NCKAP5: variants seen among roughly 807,000 people sequenced by gnomAD.
NCKAP5 encodes the protein NCK associated protein 5, also known as nck-associated protein 5.
A neutral mutation model predicts 167.0 loss-of-function variants in NCKAP5; 92 were observed. The ratio of observed to expected loss-of-function variants is 0.55; its 90% CI spans 0.47 to 0.66. The LOEUF (loss-of-function observed/expected upper bound fraction) is 0.66. Among genes scored for constraint, NCKAP5 ranks in the 30% least tolerant of loss-of-function variants. NCKAP5 has a pLI of 0.00. For missense variants in NCKAP5, 2,378 were observed against 2,315.0 expected (o/e 1.03, Z -0.56); for synonymous variants, 891 against 877.4 (o/e 1.02, Z -0.27).
Position 133,517,522 on chromosome 2 carries a change from T to A in NCKAP5, c.5A>T (p.Glu2Val). The A allele has an allele frequency of 6.5e-7, 1 of 1,529,404 alleles. No homozygotes were observed. The allele number at this position is 1,529,404 out of a possible 1,614,324, so 94.7% of individuals were successfully genotyped here. The change falls in exon 3 of 20, where the codon GAG becomes GTG. Residue 2 changes from glutamate to valine, a missense_variant. By Grantham distance (121) the Glu-to-Val change is moderately radical. This residue lies in a region of NCKAP5 where 1,049 missense variants were observed against 1,023.4 expected (regional missense o/e 1.02). Transcript: ENST00000409261. MEGKRQLEKRDF... is the reference protein window; with the variant it reads MVGKRQLEKRDF... ...CCTTTTCTCAAGCTGTCTCTTTCCC[T>A]CCATGGATGAAGTTATTTATTTTCT... is the stretch of plus-strand genomic sequence containing the variant.
chr2:133,262,137 T>C (rs2088937748), intron 4 of NCKAP5, among the ~76,000 whole-genome samples: 1 of 152,224 alleles, frequency 6.6e-6, no homozygotes, highest in African/African-American at 2.4e-5. Context: ...ATCTTATAAA[T>C]GCACATAATT....
the NCKAP5 span, among the ~76,000 whole-genome samples, chr2:133,647,631 A>G: frequency 7.0e-6 from 1 of 143,496 alleles, no homozygotes; most frequent in African/African-American, 2.6e-5. Context: ...AGATAGAAGG[A>G]AGGAAGGAAG....
At chr2:132,915,585 A>G (rs1694803021) in intron 8 of NCKAP5, 1 of 152,158 alleles carries the variant, frequency 6.6e-6, no homozygotes, top group Admixed American at 6.6e-5. Context: ...GGGCATCAGA[A>G]TTCCTGTGGG....
chr2:133,470,059 T>G (rs1360133971), intron 3 of NCKAP5, among the ~76,000 whole-genome samples: 1 of 152,174 alleles, frequency 6.6e-6, no homozygotes, highest in African/African-American at 2.4e-5. Context: ...GGTGAGGAAC[T>G]GCGTTCCTTT....
intron 3 of NCKAP5, among the ~76,000 whole-genome samples, chr2:133,483,137 A>G (rs972701412): frequency 2.0e-5 from 3 of 152,128 alleles, no homozygotes; most frequent in African/African-American, 4.8e-5. Flanking sequence ...TCTATCATTT[A>G]TCATTCTATC....
At chr2:132,739,505 G>T (rs1291146534) in intron 16 of NCKAP5, among the ~76,000 whole-genome samples, 5 of 152,138 alleles carry the variant, frequency 3.3e-5, no homozygotes, top group Non-Finnish European at 7.4e-5. Flanking sequence ...AATAGTCATA[G>T]CTCATTTTAA....
At chr2:133,622,404 A>T in the NCKAP5 span, among the ~76,000 whole-genome samples, 5 of 152,166 alleles carry the variant, frequency 3.3e-5, no homozygotes, top group Admixed American at 2.0e-4. Flanking sequence ...TCACCCAAAA[A>T]GCTTCCAGAA....
intron 11 of NCKAP5, among the ~76,000 whole-genome samples, chr2:132,827,169 ACT>A (rs1687184017): frequency 6.6e-6 from 1 of 152,236 alleles, no homozygotes; most frequent in African/African-American, 2.4e-5. Context: ...CTGAGCATTT[ACT>A]GTATGACAGG....
At chr2:132,984,059 C>A (rs1164402753) in intron 7 of NCKAP5, among the ~76,000 whole-genome samples, 2 of 152,106 alleles carry the variant, frequency 1.3e-5, no homozygotes, top group Non-Finnish European at 2.9e-5. Context: ...GAGTTCGAGA[C>A]CAGCCAGAGC....
chr2:133,579,201 G>T, the NCKAP5 span, among the ~76,000 whole-genome samples: 4 of 152,180 alleles, frequency 2.6e-5, no homozygotes, highest in Non-Finnish European at 4.4e-5. Context: ...CATACAGGTT[G>T]AGTAATTTGC....
chr2:133,297,473 T>C (rs1336643518), intron 4 of NCKAP5, among the ~76,000 whole-genome samples: 2 of 152,154 alleles, frequency 1.3e-5, no homozygotes, highest in East Asian at 3.9e-4. Flanking sequence ...CAACAGAATA[T>C]TAGACAGGAC....
Position 133,400,546 on chromosome 2 carries a change from C to T in NCKAP5, c.70-97436G>A, listed in dbSNP as rs143033577. Among the ~76,000 whole-genome samples, 328 of 152,190 alleles carry T rather than the reference C, an allele frequency of 2.2e-3. 3 individuals carry two copies. The highest frequency in any genetic ancestry group is 7.5e-3 in the African/African-American group (311 of 41,540). ...GGAGGCAGCGACTGGAGTTAGACAGCCTCAAGTCAAGGAATGTATGAGCCA... is the reference window on the plus strand; with the variant it reads ...GGAGGCAGCGACTGGAGTTAGACAGTCTCAAGTCAAGGAATGTATGAGCCA... On this transcript the variant is annotated intron_variant, in intron 3 of 19. Transcript: ENST00000409261.
At chr2:132,819,785 C>G in intron 11 of NCKAP5, among the ~76,000 whole-genome samples, 1 of 152,218 alleles carries the variant, frequency 6.6e-6, no homozygotes, top group Non-Finnish European at 1.5e-5. Context: ...TGCCACCCTA[C>G]TTCAATTTGG....
At chr2:133,540,085 G>GT (rs544567277) in intron 2 of NCKAP5, among the ~76,000 whole-genome samples, 199 of 152,322 alleles carry the variant, frequency 1.3e-3, no homozygotes, top group Middle Eastern at 3.4e-3. Flanking sequence ...GGAGGCTGCG[G>GT]TAGGGGAATT....
intron 9 of NCKAP5, among the ~76,000 whole-genome samples, chr2:132,874,417 A>ATT (rs1558885744): frequency 6.6e-6 from 1 of 152,112 alleles, no homozygotes; most frequent in African/African-American, 2.4e-5. Context: ...CAAAACCTTG[A>ATT]TTTTAAAGAT....
At chr2:133,600,634 T>C in the NCKAP5 span, among the ~76,000 whole-genome samples, 1 of 152,244 alleles carries the variant, frequency 6.6e-6, no homozygotes, top group Non-Finnish European at 1.5e-5. Flanking sequence ...CCCTTCTTGA[T>C]GTGTGGCACT....
chr2:133,274,856 A>G (rs1415466073), intron 4 of NCKAP5, among the ~76,000 whole-genome samples: 1 of 151,986 alleles, frequency 6.6e-6, no homozygotes, highest in Non-Finnish European at 1.5e-5. Context: ...AAACATAAAA[A>G]GCAAATTTAT....
At chr2:133,420,587 T>C (rs1240593416) in intron 3 of NCKAP5, among the ~76,000 whole-genome samples, 1 of 152,206 alleles carries the variant, frequency 6.6e-6, no homozygotes, top group Non-Finnish European at 1.5e-5. Flanking sequence ...AAAGTATGTA[T>C]GTAAATTATA....
intron 7 of NCKAP5, among the ~76,000 whole-genome samples, chr2:132,990,283 C>T (rs1035433373): frequency 6.6e-6 from 1 of 152,134 alleles, no homozygotes; most frequent in Non-Finnish European, 1.5e-5. Flanking sequence ...GCTTCTATTA[C>T]GTTGTTGAAT....
Sources: allele counts gnomAD v4.1 joint callset (sites outside exome capture counted in the v4.1 genomes callset), GRCh38; gene constraint gnomAD v4.1.1; regional missense constraint gnomAD v4.1.1; transcripts MANE v1.5; gene names NCBI Gene and HGNC (gene_info 2026-07-23, HGNC 2026-07-21).